ADAM9: variants seen among roughly 807,000 people sequenced by gnomAD.
ADAM9 encodes the protein ADAM metallopeptidase domain 9.
ADAM9 carries 54 observed loss-of-function variants against 108.1 expected under a neutral mutation model. The observed-to-expected ratio is 0.50, with a 90% CI of 0.40 to 0.63. The LOEUF (loss-of-function observed/expected upper bound fraction) is 0.63, where lower values mean the gene tolerates loss of function less well. Among genes scored for constraint, ADAM9 ranks in the 20% least tolerant of loss-of-function variants. The pLI is 0.00. For missense variants in ADAM9, 830 were observed against 997.7 expected (o/e 0.83, Z 2.26); for synonymous variants, 316 against 336.0 (o/e 0.94, Z 0.65).
At chr8:39,070,152 CAAAAAA>C (rs5891052) in intron 14 of ADAM9, among the ~76,000 whole-genome samples, 2 of 81,424 alleles carry the variant, frequency 2.5e-5, no homozygotes, top group African/African-American at 9.6e-5. Context: ...GACTCTGTCT[CAAAAAA>C]AAAAAAAAAA....
chr8:39,093,844 A>G (rs994773253), intron 20 of ADAM9, among the ~76,000 whole-genome samples: 5 of 152,278 alleles, frequency 3.3e-5, no homozygotes, highest in Admixed American at 6.5e-5. Context: ...ATCTCGGCTT[A>G]CTGCAACCTC....
rs770679072 is a variant in ADAM9, at chr8:39,090,070, G to C, written c.2092G>C (p.Gly698Arg). 5 of 1,613,738 alleles carry C rather than the reference G, an allele frequency of 3.1e-6. No individual in the cohort carries two copies. The highest frequency in any genetic ancestry group is 4.2e-6 in the Non-Finnish European group (5 of 1,179,872). ...AGAAATGAATACTGCATTGAGGGACGGACTTCTGGTCTTCTTCTTCCTAAT... is the reference window on the plus strand; with the variant it reads ...AGAAATGAATACTGCATTGAGGGACCGACTTCTGGTCTTCTTCTTCCTAAT... ...YNEMNTALRD[G>R]LLVFFFLIVP... Residue 698 changes from glycine (G) to arginine (R), a missense_variant, in exon 19 of 22, where the codon GGA (glycine) becomes CGA (arginine). Gly to Arg is a moderately radical substitution (Grantham distance 125). Around this residue, in one of 3 missense-constraint regions of ADAM9, gnomAD observed 238 missense variants for 235.7 expected, o/e 1.01. Coordinates refer to ENST00000487273, the MANE Select transcript of ADAM9 (RefSeq NM_003816.3).
intron 12 of ADAM9, among the ~76,000 whole-genome samples, chr8:39,046,749 G>A (rs1462878868): frequency 1.1e-4 from 17 of 151,888 alleles, no homozygotes; most frequent in African/African-American, 1.7e-4. Flanking sequence ...TGTTAATGTG[G>A]TATATCTCAT....
At chr8:39,061,229 C>T (rs1156589440) in intron 14 of ADAM9, among the ~76,000 whole-genome samples, 1 of 152,182 alleles carries the variant, frequency 6.6e-6, no homozygotes, top group Non-Finnish European at 1.5e-5. Context: ...TTCCACCTGG[C>T]CTTTCTTACC....
At chr8:39,087,273 C>G (rs1195892174) in intron 18 of ADAM9, among the ~76,000 whole-genome samples, 5 of 152,044 alleles carry the variant, frequency 3.3e-5, no homozygotes, top group African/African-American at 9.7e-5. Context: ...GATCATTGCT[C>G]TTTGTTGCCT....
chr8:39,021,525 C>CT, intron 7 of ADAM9, 118 bp from the exon 8 acceptor site: 1 of 854,960 alleles, frequency 1.2e-6, no homozygotes, highest in Non-Finnish European at 2.0e-6. Flanking sequence ...CTCAGGTGAT[C>CT]TACCCGCCTG....
At chr8:39,025,758 C>T in intron 9 of ADAM9, 45 bp from the exon 10 acceptor site, 2 of 1,574,804 alleles carry the variant, frequency 1.3e-6, no homozygotes, top group Non-Finnish European at 8.7e-7. Context: ...CAATGTGTTC[C>T]TTTTTTCCCC....
intron 11 of ADAM9, among the ~76,000 whole-genome samples, chr8:39,040,008 C>CT (rs1427144119): frequency 6.6e-6 from 1 of 152,076 alleles, no homozygotes; most frequent in African/African-American, 2.4e-5. Context: ...CTCAAGATTC[C>CT]TTTTTTTCTA....
intron 20 of ADAM9, among the ~76,000 whole-genome samples, chr8:39,093,913 G>A (rs1217785758): frequency 1.3e-5 from 2 of 152,186 alleles, no homozygotes; most frequent in Non-Finnish European, 2.9e-5. Flanking sequence ...GGGATTACAG[G>A]CATGTGCCAC....
chr8:39,030,563 G>A (rs1837065531), intron 11 of ADAM9, among the ~76,000 whole-genome samples: 2 of 152,218 alleles, frequency 1.3e-5, no homozygotes, highest in African/African-American at 2.4e-5. Flanking sequence ...AAGTGTCCGT[G>A]TGCAGGGTTT....
At chr8:39,033,183 G>A (rs917695392) in intron 11 of ADAM9, among the ~76,000 whole-genome samples, 8 of 152,130 alleles carry the variant, frequency 5.3e-5, no homozygotes, top group Non-Finnish European at 8.8e-5. Flanking sequence ...GGGTCCTAAT[G>A]TACATGATAT....
rs140786647 is a variant in ADAM9, at chr8:39,034,570, G to A, written c.1131-7376G>A. On this transcript the variant is annotated intron_variant, in intron 11 of 21. Coordinates refer to ENST00000487273, the MANE Select transcript of ADAM9 (RefSeq NM_003816.3). ...TTCCTTTAATGTGTTTTTAGTAGTA[G>A]TGTATCTCTTAGTTTTTGTTTTTGT... Among the ~76,000 whole-genome samples the A allele has an allele frequency of 3.8e-3, 574 of 152,238 alleles. 2 individuals carry two copies. The highest frequency in any genetic ancestry group is 6.1e-3 in the Non-Finnish European group (416 of 68,020).
chr8:39,057,576 TC>T (rs1838166948), intron 14 of ADAM9, among the ~76,000 whole-genome samples: 1 of 151,998 alleles, frequency 6.6e-6, no homozygotes, highest in Non-Finnish European at 1.5e-5. Context: ...ATGGTATAGT[TC>T]CAGTTAGAAG....
At chr8:39,050,288 C>T (rs540782384) in intron 12 of ADAM9, among the ~76,000 whole-genome samples, 126 of 152,226 alleles carry the variant, frequency 8.3e-4, no homozygotes, top group African/African-American at 2.8e-3. Flanking sequence ...TGCATCTGGA[C>T]GTCCATTTCC....
chr8:39,059,287 G>A (rs919395667), intron 14 of ADAM9, among the ~76,000 whole-genome samples: 1 of 152,222 alleles, frequency 6.6e-6, no homozygotes, highest in Non-Finnish European at 1.5e-5. Flanking sequence ...ACAAAGCACT[G>A]CTTCTTTCAT....
At chr8:39,010,750 C>G (rs970943840) in intron 2 of ADAM9, among the ~76,000 whole-genome samples, 1 of 152,096 alleles carries the variant, frequency 6.6e-6, no homozygotes, top group Non-Finnish European at 1.5e-5. Context: ...TTCCTTGACT[C>G]TAAGATGCCA....
intron 18 of ADAM9, among the ~76,000 whole-genome samples, chr8:39,087,837 T>C (rs1034961714): frequency 1.3e-5 from 2 of 152,196 alleles, no homozygotes; most frequent in African/African-American, 4.8e-5. Flanking sequence ...ACTCCCTGCA[T>C]AGTTGAAAAC....
chr8:39,002,381 C>A (rs937080601), intron 1 of ADAM9, among the ~76,000 whole-genome samples: 5 of 140,150 alleles, frequency 3.6e-5, no homozygotes, highest in Admixed American at 7.9e-5. Context: ...TGCAGTGGCA[C>A]AATCTGGGGT....
intron 20 of ADAM9, among the ~76,000 whole-genome samples, chr8:39,098,261 T>C (rs1839572552): frequency 6.6e-6 from 1 of 152,180 alleles, no homozygotes; most frequent in East Asian, 1.9e-4. Flanking sequence ...GGTGTAGATG[T>C]GGACTTAAAA....
Sources: allele counts gnomAD v4.1 joint callset (sites outside exome capture counted in the v4.1 genomes callset), GRCh38; gene constraint gnomAD v4.1.1; regional missense constraint gnomAD v4.1.1; transcripts MANE v1.5; gene names NCBI Gene and HGNC (gene_info 2026-07-23, HGNC 2026-07-21).